Variants in CEP43 observed in about 807,000 individuals in gnomAD.
CEP43 encodes the protein centrosomal protein 43.
In CEP43, 36 loss-of-function variants were observed where a neutral mutation model predicts 52.6. The observed-to-expected ratio is 0.68, with a 90% confidence interval of 0.52 to 0.90. CEP43 has a LOEUF of 0.90. CEP43 is among the 40% of genes least tolerant of loss of function. The pLI, the probability that CEP43 is intolerant of heterozygous loss-of-function variation, is 0.00. For missense variants in CEP43, 506 were observed against 472.8 expected (o/e 1.07, Z -0.65); for synonymous variants, 192 against 172.4 (o/e 1.11, Z -0.89).
Position 167,022,519 on chromosome 6 carries a change from A to G in CEP43, c.690A>G (p.Leu230=), listed in dbSNP as rs1412450241. The part of the protein sequence containing the change: ...LSHETKIGSF[L]SNRTLDGKDK... ...ATGAAACAAAAATTGGATCTTTTCTAAGCAACAGAACTTTAGATGGCAAAG... is the reference window on the plus strand; with the variant it reads ...ATGAAACAAAAATTGGATCTTTTCTGAGCAACAGAACTTTAGATGGCAAAG... Residue 230 remains leucine (L), a synonymous_variant, in exon 8 of 13, where the codon CTA becomes CTG. Coordinates refer to ENST00000366847, the MANE Select transcript of CEP43 (RefSeq NM_007045.4). 1.9e-6 allele frequency: 3 copies of G among 1,614,028 alleles called. No homozygotes were observed. Among genetic ancestry groups the G allele is most frequent in the Admixed American group, 3.3e-5 (2 of 60,014 alleles).
chr6:167,024,873 C>T lies in CEP43; in HGVS notation c.898C>T (p.Pro300Ser). ...TGGACTCAGCTCCCTGGCGGGAGCC[C>T]CTTCTTTAAAAGACTCTGAGAGTAA... is the stretch of plus-strand genomic sequence containing the variant. ...KSGLSSLAGAPSLKDSESKRG... is the reference protein window; with the variant it reads ...KSGLSSLAGASSLKDSESKRG... Residue 300 changes from proline to serine, a missense_variant, in exon 9 of 13, where the codon CCT becomes TCT. Physicochemically the swap from Pro to Ser is moderately conservative, Grantham distance 74 (BLOSUM62 -1). Coordinates refer to ENST00000366847, the MANE Select transcript of CEP43 (RefSeq NM_007045.4). 6.2e-7 allele frequency: 1 copy of T among 1,606,052 alleles called. No individual in the cohort carries two copies. Among genetic ancestry groups the T allele is most frequent in the Non-Finnish European group, 8.5e-7 (1 of 1,173,906 alleles).
intron 8 of CEP43, among the ~76,000 whole-genome samples, 166 bp from the exon 9 acceptor site, chr6:167,024,615 AC>A (rs1366847057): frequency 6.6e-6 from 1 of 151,900 alleles, no homozygotes; most frequent in African/African-American, 2.4e-5. Context: ...TGTAGTTTGC[AC>A]TCCCTTGGTG....
chr6:167,030,170 G>A (rs527906421), intron 10 of CEP43, among the ~76,000 whole-genome samples: 1 of 152,290 alleles, frequency 6.6e-6, no homozygotes, highest in South Asian at 2.1e-4. Context: ...TTTTGAATTG[G>A]CTACAAATGC....
At chr6:167,023,484 G>A (rs1270202434) in intron 8 of CEP43, among the ~76,000 whole-genome samples, 1 of 152,202 alleles carries the variant, frequency 6.6e-6, no homozygotes. Flanking sequence ...CAGACAGGTG[G>A]CATGACAGCC....
chr6:167,013,603 G>A, intron 7 of CEP43, 36 bp downstream of exon 7: 1 of 1,584,892 alleles, frequency 6.3e-7, no homozygotes, highest in South Asian at 1.1e-5. Context: ...AAAGCAGCCT[G>A]TGGGCATCAG....
At chr6:167,003,033 G>C (rs1779772258) in intron 2 of CEP43, among the ~76,000 whole-genome samples, 160 bp from the exon 3 acceptor site, 1 of 152,160 alleles carries the variant, frequency 6.6e-6, no homozygotes, top group Non-Finnish European at 1.5e-5. Context: ...TATTAACTTT[G>C]AGAAATTACT....
At chr6:167,031,651 T>C (rs2282859) in intron 10 of CEP43, among the ~76,000 whole-genome samples, 3,594 of 152,314 alleles carry the variant, frequency 0.024, 106 homozygotes, top group East Asian at 0.18. Flanking sequence ...CTCTCTGTCA[T>C]GCCAGGTCTT....
At chr6:167,019,819 G>T (rs73026249) in intron 7 of CEP43, among the ~76,000 whole-genome samples, 3,082 of 152,104 alleles carry the variant, frequency 0.02, 50 homozygotes, top group East Asian at 0.091. Context: ...TTCATTATGT[G>T]GATTTAAGTT....
chr6:167,032,597 TATC>T lies in CEP43; in HGVS notation c.989-4_989-2del, dbSNP rs1192701172. On this transcript the variant is annotated splice_polypyrimidine_tract_variant and splice_region_variant and intron_variant, in intron 10 of 12. Transcript: ENST00000366847. Reference sequence around the variant, plus strand: ...GATATAACATATCTTTTCTTAAACTTATCAGGAACTGGAGAAGATGATGACTAT... The same window carrying T: ...GATATAACATATCTTTTCTTAAACTTAGGAACTGGAGAAGATGATGACTAT... The T allele has an allele frequency of 6.4e-7, 1 of 1,570,998 alleles. No individual in the cohort carries two copies. The highest frequency in any genetic ancestry group is 8.7e-7 in the Non-Finnish European group (1 of 1,155,562).
Position 167,042,319 on chromosome 6 carries a change from T to C in CEP43, c.*2341T>C. On this transcript the variant is annotated 3_prime_UTR_variant, in exon 13 of 13. Coordinates refer to ENST00000366847, the MANE Select transcript of CEP43 (RefSeq NM_007045.4). ...TAACCCATTAAATACATTTTTATGGTAACCTATGTTTTACAGTGGAGTTTT... is the reference window on the plus strand; with the variant it reads ...TAACCCATTAAATACATTTTTATGGCAACCTATGTTTTACAGTGGAGTTTT... The C allele has an allele frequency of 1.0e-6, 1 of 984,902 alleles. No homozygotes were observed. Among genetic ancestry groups the C allele is most frequent in the Non-Finnish European group, 1.2e-6 (1 of 822,280 alleles). 61.0% of individuals were successfully genotyped at this position (984,902 alleles called of 1,614,324 possible).
In CEP43 at chr6:167,040,350, T is replaced by C. The variant is rs973684036; in HGVS notation, c.*372T>C. 7.1e-7 allele frequency: 1 copy of C among 1,401,130 alleles called. No individual in the cohort carries two copies. Among genetic ancestry groups the C allele is most frequent in the Non-Finnish European group, 9.2e-7 (1 of 1,082,346 alleles). 86.8% of individuals were successfully genotyped at this position (1,401,130 alleles called of 1,614,324 possible). On this transcript the variant is annotated 3_prime_UTR_variant, in exon 13 of 13. Coordinates refer to ENST00000366847, the MANE Select transcript of CEP43 (RefSeq NM_007045.4). ...TGTGTGTGGCTGCTGGTACGTGTGATCTTTGAAAACCTTGGCTTTAGCCCT... is the reference window on the plus strand; with the variant it reads ...TGTGTGTGGCTGCTGGTACGTGTGACCTTTGAAAACCTTGGCTTTAGCCCT...
In CEP43 at chr6:167,050,897, C is replaced by T. The variant is rs960023383; in HGVS notation, c.*10919C>T. The T allele has an allele frequency of 6.6e-6, 1 of 151,368 alleles. No homozygotes were observed. The highest frequency in any genetic ancestry group is 1.5e-5 in the Non-Finnish European group (1 of 68,012). 9.4% of individuals were successfully genotyped at this position (151,368 alleles called of 1,614,324 possible). On this transcript the variant is annotated 3_prime_UTR_variant, in exon 13 of 13. Transcript: ENST00000366847. ...CCGATTTATGAGGACAGGGAAATTG[C>T]AATAGAGAAAGAGTTTAATACATGT...
At chr6:167,004,477 T>C in intron 5 of CEP43, 76 bp downstream of exon 5, 1 of 1,242,844 alleles carries the variant, frequency 8.0e-7, no homozygotes, top group Non-Finnish European at 1.1e-6. Context: ...TTAGTGCATA[T>C]ATAGTAAATT....
At position 167,003,724 on chromosome 6, in the gene CEP43, T is replaced by C. The variant is rs1779789800; in HGVS notation, c.213T>C (p.Gly71=). 6.2e-7 allele frequency: 1 copy of C among 1,604,794 alleles called. No homozygotes were observed. Among genetic ancestry groups the C allele is most frequent in the South Asian group, 1.1e-5 (1 of 90,386 alleles). Residue 71 remains glycine (G), a splice_region_variant and synonymous_variant, in exon 4 of 13, where the codon GGT becomes GGC. Coordinates refer to ENST00000366847, the MANE Select transcript of CEP43 (RefSeq NM_007045.4). ...TTACCTTTTTCTTGATCTTTATAGG[T>C]CGTTTAGTGGCTAGTCTTGTTGCAG... The part of the protein sequence containing the change: ...SLKKFLNTKD[G]RLVASLVAEF...
intron 5 of CEP43, among the ~76,000 whole-genome samples, chr6:167,007,564 G>T (rs1213246313): frequency 3.3e-5 from 5 of 152,112 alleles, no homozygotes; most frequent in African/African-American, 9.7e-5. Context: ...CCTCAAAGAT[G>T]TATGTTTTGG....
rs1780761013 is a variant in CEP43 at position 167,044,415 on chromosome 6, A to G, written c.*4437A>G. 2.0e-6 allele frequency: 2 copies of G among 985,336 alleles called. No homozygotes were observed. The highest frequency in any genetic ancestry group is 1.7e-5 in the African/African-American group (1 of 57,256). 61.0% of individuals were successfully genotyped at this position (985,336 alleles called of 1,614,324 possible). Reference sequence around the variant, plus strand: ...AATCTTTATGTTTAGCAAGAAGACCAAGATGACAAGATGCGCCAGGAGACT... The same window carrying G: ...AATCTTTATGTTTAGCAAGAAGACCGAGATGACAAGATGCGCCAGGAGACT... On this transcript the variant is annotated 3_prime_UTR_variant, in exon 13 of 13. Coordinates refer to ENST00000366847, the MANE Select transcript of CEP43 (RefSeq NM_007045.4).
At position 167,007,403 on chromosome 6, in the gene CEP43, A is replaced by G. The variant is rs375597232; in HGVS notation, c.438+3002A>G. Among the ~76,000 whole-genome samples the G allele has an allele frequency of 1.4e-4, 22 of 152,274 alleles. No individual in the cohort carries two copies. The East Asian group carries it at 4.0e-3, about 28-fold the overall frequency. ...TAGGAATTCTGTATCCTCAAAAGGT[A>G]GTTGTTTTACTCCCCCAAGTTGCTG... On this transcript the variant is annotated intron_variant, in intron 5 of 12. Transcript: ENST00000366847.
chr6:167,018,938 A>G (rs998402344), intron 7 of CEP43, among the ~76,000 whole-genome samples: 1 of 152,056 alleles, frequency 6.6e-6, no homozygotes, highest in African/African-American at 2.4e-5. Flanking sequence ...TGACTTTATG[A>G]TGGTACAAAA....
intron 5 of CEP43, among the ~76,000 whole-genome samples, chr6:167,008,183 A>C (rs1779897506): frequency 6.6e-6 from 1 of 150,506 alleles, no homozygotes; most frequent in Admixed American, 6.6e-5. Context: ...TGGACTTACT[A>C]CTTGAAAGTG....
Sources: gnomAD v4.1 joint callset for allele counts (sites outside exome capture counted in the v4.1 genomes callset) on GRCh38, gnomAD v4.1.1 for gene constraint, MANE v1.5 for transcripts, NCBI Gene and HGNC (gene_info 2026-07-23, HGNC 2026-07-21) for gene names.